Variants in AUTS2 observed in about 807,000 individuals in gnomAD.
The protein encoded by AUTS2 is activator of transcription and developmental regulator AUTS2, also known as autism susceptibility gene 2 protein.
Under a neutral mutation model 112.4 loss-of-function variants are expected in AUTS2, and 17 were observed. That is an observed-to-expected ratio of 0.15 (90% CI 0.10 to 0.23). The LOEUF (loss-of-function observed/expected upper bound fraction) is 0.23, where lower values mean the gene tolerates loss of function less well. Among genes scored for constraint, AUTS2 ranks in the 10% least tolerant of loss-of-function variants. The pLI is 1.00. For missense variants in AUTS2, 1,510 were observed against 1,701.6 expected, an observed-to-expected ratio of 0.89 and a Z score of 1.98; for synonymous variants, 751 against 702.7, an observed-to-expected ratio of 1.07 and a Z score of -1.09.
chr7:69,676,730 C>T (rs1050386322), intron 1 of AUTS2, among the ~76,000 whole-genome samples: 1 of 152,060 alleles, frequency 6.6e-6, no homozygotes, highest in Admixed American at 6.5e-5. Context: ...AATCTTACTT[C>T]TCTTTTTAGT....
chr7:70,396,950 C>G (rs1794112372), intron 4 of AUTS2, among the ~76,000 whole-genome samples: 1 of 152,152 alleles, frequency 6.6e-6, no homozygotes, highest in African/African-American at 2.4e-5. Flanking sequence ...AAATGTCAAA[C>G]TGTTTTCCAG....
chr7:70,377,325 AATATATATAT>A (rs58244266), intron 4 of AUTS2, among the ~76,000 whole-genome samples: 2,228 of 52,024 alleles, frequency 0.043, 80 homozygotes, highest in Non-Finnish European at 0.054. Context: ...AACAAATATA[AATATATATAT>A]ATATATATAT....
intron 4 of AUTS2, among the ~76,000 whole-genome samples, chr7:70,340,197 C>T (rs1182261752): frequency 6.6e-6 from 1 of 151,704 alleles, no homozygotes; most frequent in East Asian, 1.9e-4. Flanking sequence ...CACACACACC[C>T]CGTAATAAGT....
At chr7:70,315,872 C>A (rs1046141463) in intron 4 of AUTS2, among the ~76,000 whole-genome samples, 1 of 152,190 alleles carries the variant, frequency 6.6e-6, no homozygotes, top group South Asian at 2.1e-4. Context: ...CATCCCAAGT[C>A]GTTCCCCATC....
intron 1 of AUTS2, among the ~76,000 whole-genome samples, chr7:69,790,729 T>G (rs1789576321): frequency 6.6e-6 from 1 of 152,264 alleles, no homozygotes; most frequent in African/African-American, 2.4e-5. Flanking sequence ...ACTTGTCCCA[T>G]TAAGAATATT....
rs1297462442 is a variant in AUTS2, at chr7:70,415,081, TC to T, written c.661-20669del. Among the ~76,000 whole-genome samples, 12 of 152,326 alleles carry T rather than the reference TC, an allele frequency of 7.9e-5. No individual in the cohort carries two copies. The South Asian group carries it at 1.2e-3, about 16-fold the overall frequency. ...CATTCCCTCAGAGGTGAGTGTCAAC[TC>T]CTTCGAGAGAGGTCTGCTCACCTAA... On this transcript the variant is annotated intron_variant, in intron 4 of 18. Coordinates refer to ENST00000342771, the MANE Select transcript of AUTS2 (RefSeq NM_015570.4).
chr7:70,355,014 A>G (rs535428880), intron 4 of AUTS2, among the ~76,000 whole-genome samples: 156 of 128,702 alleles, frequency 1.2e-3, no homozygotes, highest in Non-Finnish European at 1.9e-3. Flanking sequence ...GTGTGTATGT[A>G]TGTGTGTGTG....
chr7:70,064,086 A>T (rs1042746940), intron 2 of AUTS2, among the ~76,000 whole-genome samples: 1 of 152,192 alleles, frequency 6.6e-6, no homozygotes, highest in African/African-American at 2.4e-5. Flanking sequence ...AAGCATCTTT[A>T]GCTTAAGGAG....
intron 4 of AUTS2, among the ~76,000 whole-genome samples, chr7:70,370,308 A>T (rs965568464): frequency 6.6e-6 from 1 of 152,062 alleles, no homozygotes; most frequent in Non-Finnish European, 1.5e-5. Context: ...TGCACTCCCT[A>T]TCCATACCTC....
At chr7:70,018,662 C>G (rs1428415635) in intron 2 of AUTS2, among the ~76,000 whole-genome samples, 2 of 152,166 alleles carry the variant, frequency 1.3e-5, no homozygotes, top group African/African-American at 4.8e-5. Context: ...TTAAGTTGTA[C>G]TTTATAAGCT....
At chr7:70,487,098 A>G (rs934860033) in intron 5 of AUTS2, among the ~76,000 whole-genome samples, 18 of 152,008 alleles carry the variant, frequency 1.2e-4, no homozygotes, top group African/African-American at 4.3e-4. Flanking sequence ...GTATGATAGG[A>G]GCGTTACTGG....
intron 1 of AUTS2, among the ~76,000 whole-genome samples, chr7:69,750,354 G>GTAT (rs985607613): frequency 6.7e-6 from 1 of 148,890 alleles, no homozygotes; most frequent in Non-Finnish European, 1.5e-5. Context: ...TATGTTATTA[G>GTAT]TATTATTATT....
intron 4 of AUTS2, among the ~76,000 whole-genome samples, chr7:70,369,701 T>G (rs1231173236): frequency 6.6e-6 from 1 of 152,170 alleles, no homozygotes; most frequent in Non-Finnish European, 1.5e-5. Context: ...AAAGCAGGAA[T>G]TAGTTGTTGC....
intron 4 of AUTS2, among the ~76,000 whole-genome samples, chr7:70,175,026 T>G (rs1808909138): frequency 6.6e-6 from 1 of 152,166 alleles, no homozygotes; most frequent in South Asian, 2.1e-4. Flanking sequence ...CTCTGATGGA[T>G]CTGGGCAAAG....
At chr7:70,613,588 C>G (rs1804206543) in intron 5 of AUTS2, among the ~76,000 whole-genome samples, 1 of 151,986 alleles carries the variant, frequency 6.6e-6, no homozygotes, top group African/African-American at 2.4e-5. Flanking sequence ...TCAGTAAGTC[C>G]CACTGTGACA....
intron 1 of AUTS2, among the ~76,000 whole-genome samples, chr7:69,842,966 G>T (rs1050103265): frequency 3.3e-5 from 5 of 152,140 alleles, no homozygotes; most frequent in Non-Finnish European, 2.9e-5. Flanking sequence ...GATGCTGGGG[G>T]CTTGAGTGTA....
chr7:69,949,912 A>G (rs1796959623), intron 2 of AUTS2, among the ~76,000 whole-genome samples: 1 of 152,130 alleles, frequency 6.6e-6, no homozygotes, highest in Admixed American at 6.5e-5. Context: ...ATTGAACTGG[A>G]TGCTTAATAA....
At chr7:69,849,132 T>C (rs1285174859) in intron 1 of AUTS2, among the ~76,000 whole-genome samples, 1 of 152,184 alleles carries the variant, frequency 6.6e-6, no homozygotes, top group Non-Finnish European at 1.5e-5. Context: ...CAGTGAGCTA[T>C]GATCATATGA....
intron 5 of AUTS2, among the ~76,000 whole-genome samples, chr7:70,641,647 A>G (rs1284073408): frequency 2.0e-5 from 3 of 152,196 alleles, no homozygotes; most frequent in Non-Finnish European, 4.4e-5. Context: ...TTCAGAACAC[A>G]CTGTCATCCT....
Sources: gnomAD v4.1 joint callset for allele counts (sites outside exome capture counted in the v4.1 genomes callset) on GRCh38, gnomAD v4.1.1 for gene constraint, MANE v1.5 for transcripts, NCBI Gene and HGNC (gene_info 2026-07-23, HGNC 2026-07-21) for gene names.